ERBB4: variants seen among roughly 807,000 people sequenced by gnomAD.
ERBB4 encodes erb-b2 receptor tyrosine kinase 4, also known as receptor tyrosine-protein kinase erbB-4.
Under a neutral mutation model 158.0 loss-of-function variants are expected in ERBB4, and 42 were observed. That is an observed-to-expected ratio of 0.27 (90% CI 0.21 to 0.34). The LOEUF is 0.34. Among genes scored for constraint, ERBB4 ranks in the 10% least tolerant of loss-of-function variants. ERBB4 has a pLI of 1.00. For missense variants in ERBB4, 1,333 were observed against 1,624.1 expected (o/e 0.82, Z 3.08); for synonymous variants, 583 against 558.7 (o/e 1.04, Z -0.61).
intron 12 of ERBB4, among the ~76,000 whole-genome samples, chr2:211,699,248 T>C (rs537282703): frequency 6.6e-6 from 1 of 152,314 alleles, no homozygotes; most frequent in South Asian, 2.1e-4. Context: ...TATGTGGAAC[T>C]ACATACAGAC....
At chr2:212,095,026 T>C (rs958569888) in intron 2 of ERBB4, among the ~76,000 whole-genome samples, 2 of 152,146 alleles carry the variant, frequency 1.3e-5, no homozygotes, top group Admixed American at 1.3e-4. Flanking sequence ...CTTTTCTACG[T>C]AAACATCAAA....
At chr2:211,515,912 A>ATATATATATATATATTTTTTT (rs35696520) in intron 20 of ERBB4, among the ~76,000 whole-genome samples, 2 of 78,976 alleles carry the variant, frequency 2.5e-5, no homozygotes, top group Admixed American at 1.5e-4. Context: ...ATATATATAT[A>ATATATATATATATATTTTTTT]TTTTTTTTTT....
chr2:211,482,501 A>T lies in ERBB4; in HGVS notation c.2488-51401T>A, dbSNP rs2065108325. 3.3e-5 allele frequency among the ~76,000 whole-genome samples: 5 copies of T among 152,236 alleles called. No homozygotes were observed. The South Asian group carries it at 1.0e-3, about 32-fold the overall frequency. Reference sequence around the variant, plus strand: ...AAGAAAGTTCAAGAATATCTATGGGAATAAAAATAACCTAACTTTCAACAA... The same window carrying T: ...AAGAAAGTTCAAGAATATCTATGGGTATAAAAATAACCTAACTTTCAACAA... On this transcript the variant is annotated intron_variant, in intron 20 of 27. Transcript: ENST00000342788.
chr2:211,657,892 C>T (rs1419106208), intron 15 of ERBB4, 64 bp from the exon 16 acceptor site: 1 of 1,601,814 alleles, frequency 6.2e-7, no homozygotes, highest in Non-Finnish European at 8.6e-7. Context: ...CACACATGCA[C>T]CAGTGCTCAC....
intron 17 of ERBB4, among the ~76,000 whole-genome samples, chr2:211,629,434 G>A (rs1265354770): frequency 6.6e-6 from 1 of 152,054 alleles, no homozygotes; most frequent in Non-Finnish European, 1.5e-5. Context: ...ATGCTCATGG[G>A]TAGGAAGAAT....
chr2:212,152,728 C>T (rs1166642496), intron 1 of ERBB4, among the ~76,000 whole-genome samples: 3 of 152,128 alleles, frequency 2.0e-5, no homozygotes, highest in Non-Finnish European at 2.9e-5. Context: ...TTTAAAGGCC[C>T]TTCAAGTCTA....
chr2:211,841,137 C>T (rs1443749484), intron 3 of ERBB4, among the ~76,000 whole-genome samples: 2 of 151,816 alleles, frequency 1.3e-5, no homozygotes, highest in East Asian at 3.9e-4. Flanking sequence ...TTAGATAATT[C>T]CCTCCACAAA....
At chr2:212,190,300 G>T (rs2082147177) in intron 1 of ERBB4, among the ~76,000 whole-genome samples, 1 of 152,186 alleles carries the variant, frequency 6.6e-6, no homozygotes, top group African/African-American at 2.4e-5. Context: ...ACTTTGGGAG[G>T]CCAAGGCGGG....
chr2:211,618,605 C>T (rs1026282623), intron 19 of ERBB4, among the ~76,000 whole-genome samples: 5 of 152,006 alleles, frequency 3.3e-5, no homozygotes, highest in African/African-American at 9.7e-5. Flanking sequence ...CTTGGGGTAA[C>T]CTTGGGTTAA....
At chr2:212,124,731 G>GA in intron 2 of ERBB4, 21 bp downstream of exon 2, 1 of 1,613,908 alleles carries the variant, frequency 6.2e-7, no homozygotes, top group Non-Finnish European at 8.5e-7. Flanking sequence ...ACAAAGAAGA[G>GA]AAAGAAAGCC....
chr2:211,489,394 T>C (rs2065282721), intron 20 of ERBB4, among the ~76,000 whole-genome samples: 1 of 151,968 alleles, frequency 6.6e-6, no homozygotes, highest in African/African-American at 2.4e-5. Context: ...GCTTCCTCAA[T>C]TGCAAATTTG....
intron 1 of ERBB4, among the ~76,000 whole-genome samples, chr2:212,475,599 C>T (rs184879161): frequency 6.6e-6 from 1 of 152,108 alleles, no homozygotes; most frequent in Non-Finnish European, 1.5e-5. Context: ...CTATTATTAC[C>T]TACTCATGAA....
intron 3 of ERBB4, among the ~76,000 whole-genome samples, chr2:211,914,049 C>T (rs923953699): frequency 1.1e-5 from 1 of 93,276 alleles, no homozygotes; most frequent in Non-Finnish European, 2.4e-5. Context: ...CTTGGAATGA[C>T]AAAAAAAAAA....
At chr2:212,128,861 G>C (rs1351424096) in intron 1 of ERBB4, among the ~76,000 whole-genome samples, 8 of 152,058 alleles carry the variant, frequency 5.3e-5, no homozygotes, top group Admixed American at 3.9e-4. Flanking sequence ...TGATTCATGT[G>C]CATATTCCTT....
intron 20 of ERBB4, among the ~76,000 whole-genome samples, chr2:211,476,208 G>A (rs2064949857): frequency 6.6e-6 from 1 of 152,048 alleles, no homozygotes; most frequent in South Asian, 2.1e-4. Flanking sequence ...CTGAGCTTTG[G>A]ACAGCTGAGA....
intron 1 of ERBB4, among the ~76,000 whole-genome samples, chr2:212,131,148 A>G (rs918775887): frequency 6.6e-6 from 1 of 152,170 alleles, no homozygotes; most frequent in African/African-American, 2.4e-5. Context: ...TTCAAAATAC[A>G]TCCCCAAATG....
intron 1 of ERBB4, among the ~76,000 whole-genome samples, chr2:212,475,011 C>T (rs146638611): frequency 8.9e-4 from 136 of 151,982 alleles, no homozygotes; most frequent in African/African-American, 3.2e-3. Flanking sequence ...TCCCAAACTG[C>T]TGGAATCACA....
At chr2:212,192,935 A>G (rs2105882749) in intron 1 of ERBB4, among the ~76,000 whole-genome samples, 1 of 152,252 alleles carries the variant, frequency 6.6e-6, no homozygotes, top group African/African-American at 2.4e-5. Flanking sequence ...TATTCCCTAA[A>G]CCGTATTGAT....
intron 3 of ERBB4, among the ~76,000 whole-genome samples, chr2:211,884,146 C>G (rs2078734511): frequency 6.6e-6 from 1 of 152,172 alleles, no homozygotes; most frequent in Admixed American, 6.5e-5. Context: ...GTTTAAACAC[C>G]TGCATCTAAT....
Sources: gnomAD v4.1 joint callset for allele counts (sites outside exome capture counted in the v4.1 genomes callset) on GRCh38, gnomAD v4.1.1 for gene constraint, MANE v1.5 for transcripts, NCBI Gene and HGNC (gene_info 2026-07-23, HGNC 2026-07-21) for gene names.